Variants in EBF2 observed in about 807,000 individuals in gnomAD.
EBF2 encodes transcription factor COE2.
A neutral mutation model predicts 72.8 loss-of-function variants in EBF2; 21 were observed. The ratio of observed to expected loss-of-function variants is 0.29; its 90% CI spans 0.20 to 0.42. The LOEUF (loss-of-function observed/expected upper bound fraction) is 0.42. Ranked by LOEUF, EBF2 falls within the 10% of genes least tolerant of loss-of-function variation. The pLI is 1.00. For missense variants in EBF2, 637 were observed against 731.2 expected (o/e 0.87, Z 1.49); for synonymous variants, 299 against 274.2 (o/e 1.09, Z -0.89).
chr8:25,930,529 A>G (rs2117145044), intron 6 of EBF2, among the ~76,000 whole-genome samples: 1 of 151,888 alleles, frequency 6.6e-6, no homozygotes, highest in East Asian at 1.9e-4. Context: ...TCGACTGATT[A>G]ATTAACTCCA....
chr8:26,041,868 G>C (rs954656487), intron 2 of EBF2, among the ~76,000 whole-genome samples: 8 of 152,174 alleles, frequency 5.3e-5, no homozygotes, highest in African/African-American at 1.9e-4. Context: ...AGGCCTCCAG[G>C]CTCGGTGCGC....
Position 26,039,843 on chromosome 8 carries a change from G to C in EBF2, c.482+185C>G, listed in dbSNP as rs1446403447. On this transcript the variant is annotated intron_variant, in intron 5 of 15. Transcript: ENST00000520164. ...TCCCGAGTCGTTCTGAGTCCCAATG[G>C]TTATGCTTTAAGACACTTGCATGAA... Among the ~76,000 whole-genome samples the C allele has an allele frequency of 2.0e-5, 3 of 152,140 alleles. No homozygotes were observed. In the East Asian group the frequency reaches 5.8e-4, roughly 29 times the overall value.
chr8:25,974,748 C>T (rs974221247), intron 6 of EBF2, among the ~76,000 whole-genome samples: 2 of 152,018 alleles, frequency 1.3e-5, no homozygotes, highest in African/African-American at 2.4e-5. Flanking sequence ...CTCCCCCTGC[C>T]CCCCCATCCT....
At chr8:25,959,821 G>A (rs139593730) in intron 6 of EBF2, among the ~76,000 whole-genome samples, 16 of 152,260 alleles carry the variant, frequency 1.1e-4, no homozygotes, top group African/African-American at 3.9e-4. Flanking sequence ...CTTACAGTCA[G>A]GAATGTGGAG....
chr8:25,994,256 G>A (rs1804588088), intron 6 of EBF2, among the ~76,000 whole-genome samples: 1 of 151,990 alleles, frequency 6.6e-6, no homozygotes, highest in South Asian at 2.1e-4. Flanking sequence ...TATTAGTCTG[G>A]ATATAGTAGC....
intron 10 of EBF2, among the ~76,000 whole-genome samples, chr8:25,867,832 TTGAC>T (rs1425357725): frequency 6.6e-5 from 10 of 152,318 alleles, no homozygotes; most frequent in African/African-American, 2.4e-4. Context: ...ATCCAAATGA[TTGAC>T]TGCCAATCAG....
At chr8:26,008,625 T>G in intron 6 of EBF2, among the ~76,000 whole-genome samples, 1 of 152,174 alleles carries the variant, frequency 6.6e-6, no homozygotes, top group East Asian at 1.9e-4. Flanking sequence ...TTAGAAGAAT[T>G]AAGGCTTCCC....
chr8:26,043,606 G>C (rs2117269910), intron 1 of EBF2, among the ~76,000 whole-genome samples: 1 of 152,322 alleles, frequency 6.6e-6, no homozygotes, highest in African/African-American at 2.4e-5. Context: ...AACCGCCGCC[G>C]GCCCAAGTCC....
intron 10 of EBF2, among the ~76,000 whole-genome samples, chr8:25,873,154 A>G (rs942674592): frequency 4.6e-5 from 7 of 152,190 alleles, no homozygotes. Context: ...TTTTCATTGC[A>G]TATGATGGTG....
chr8:25,878,373 T>G (rs1468758368), intron 10 of EBF2, among the ~76,000 whole-genome samples: 1 of 152,194 alleles, frequency 6.6e-6, no homozygotes, highest in African/African-American at 2.4e-5. Context: ...AGGAGGGCTT[T>G]GTCTTTCTCC....
In EBF2 at chr8:26,041,211, C is replaced by A. The variant is rs1805594424; in HGVS notation, c.289-209G>T. 3 of 606,650 alleles carry A rather than the reference C, an allele frequency of 4.9e-6. No homozygotes were observed. The Admixed American group carries it at 8.4e-5, about 17-fold the overall frequency. 37.6% of individuals were successfully genotyped at this position (606,650 alleles called of 1,614,324 possible). A position where few individuals can be genotyped will look rare whatever the true frequency, so the allele number is the denominator to read the frequency against. ...TTGCCAAGACTCGTAGCCACTTGAC[C>A]CTTTCCAGCCCTCTGTCTCCCTTAA... On this transcript the variant is annotated intron_variant, in intron 2 of 15. Coordinates refer to ENST00000520164, the MANE Select transcript of EBF2 (RefSeq NM_022659.4).
At chr8:25,945,866 G>A (rs1374876859) in intron 6 of EBF2, among the ~76,000 whole-genome samples, 2 of 152,056 alleles carry the variant, frequency 1.3e-5, no homozygotes, top group African/African-American at 4.8e-5. Flanking sequence ...TAAACCTATT[G>A]AAACGGTCTT....
chr8:25,934,813 G>A (rs55788500), intron 6 of EBF2, among the ~76,000 whole-genome samples: 16 of 152,116 alleles, frequency 1.1e-4, no homozygotes, highest in African/African-American at 3.9e-4. Context: ...TCTGCTTTTT[G>A]AAAAAATCCT....
intron 13 of EBF2, among the ~76,000 whole-genome samples, chr8:25,860,290 C>A (rs1207273300): frequency 6.6e-6 from 1 of 151,870 alleles, no homozygotes. Flanking sequence ...TAGAAGTTAC[C>A]AAATAAAACC....
intron 6 of EBF2, among the ~76,000 whole-genome samples, chr8:25,913,276 A>T (rs1166558675): frequency 6.6e-6 from 1 of 152,066 alleles, no homozygotes; most frequent in East Asian, 1.9e-4. Flanking sequence ...CCCCATCTCT[A>T]CTAAAAATAC....
intron 7 of EBF2, among the ~76,000 whole-genome samples, chr8:25,897,555 C>A (rs1330937516): frequency 2.0e-5 from 3 of 152,116 alleles, no homozygotes; most frequent in Non-Finnish European, 4.4e-5. Context: ...TCTATTACCC[C>A]CATCTTTATG....
chr8:25,959,706 G>A (rs553957164), intron 6 of EBF2, among the ~76,000 whole-genome samples: 2 of 152,266 alleles, frequency 1.3e-5, no homozygotes, highest in Admixed American at 6.5e-5. Flanking sequence ...AGGTCCTGAT[G>A]TGTCTACCCC....
At chr8:26,013,198 G>A (rs1182253265) in intron 6 of EBF2, among the ~76,000 whole-genome samples, 1 of 152,194 alleles carries the variant, frequency 6.6e-6, no homozygotes, top group African/African-American at 2.4e-5. Flanking sequence ...GTTAATAGAT[G>A]TGAATTAACT....
At chr8:25,966,148 C>T (rs1804111562) in intron 6 of EBF2, among the ~76,000 whole-genome samples, 1 of 152,230 alleles carries the variant, frequency 6.6e-6, no homozygotes, top group African/African-American at 2.4e-5. Context: ...AGGGCTTTTG[C>T]TCAAGGCCTG....
Sources: allele counts gnomAD v4.1 joint callset (sites outside exome capture counted in the v4.1 genomes callset), GRCh38; gene constraint gnomAD v4.1.1; transcripts MANE v1.5; gene names NCBI Gene and HGNC (gene_info 2026-07-23, HGNC 2026-07-21).